Variants in STXBP6 observed in about 807,000 individuals in gnomAD.
STXBP6 encodes syntaxin binding protein 6, also known as syntaxin-binding protein 6.
Under a neutral mutation model 26.9 loss-of-function variants are expected in STXBP6, and 21 were observed. The observed-to-expected ratio is 0.78, with a 90% confidence interval of 0.55 to 1.12. The LOEUF is 1.12. Among genes scored for constraint, STXBP6 ranks in the 50% most tolerant of loss-of-function variants. The pLI, the probability that STXBP6 is intolerant of heterozygous loss-of-function variation, is 0.00. For synonymous variants in STXBP6, 97 were observed against 92.6 expected (o/e 1.05, Z -0.27); for missense variants, 232 against 257.9 (o/e 0.90, Z 0.69).
chr14:25,025,591 T>C (rs1428902802), intron 1 of STXBP6, among the ~76,000 whole-genome samples: 1 of 152,334 alleles, frequency 6.6e-6, no homozygotes, highest in South Asian at 2.1e-4. Context: ...TGTTGCTAGA[T>C]ATGACTTTGG....
chr14:24,848,198 C>A (rs951182486), intron 4 of STXBP6, among the ~76,000 whole-genome samples: 1 of 152,094 alleles, frequency 6.6e-6, no homozygotes, highest in African/African-American at 2.4e-5. Flanking sequence ...TTTCAAAAAT[C>A]CCATTTGATT....
intron 1 of STXBP6, among the ~76,000 whole-genome samples, chr14:25,017,784 G>C (rs2075181653): frequency 6.6e-6 from 1 of 152,186 alleles, no homozygotes; most frequent in Non-Finnish European, 1.5e-5. Context: ...GGACTTACTG[G>C]ACCCTGTGGT....
At chr14:25,009,018 T>C (rs1252968586) in intron 1 of STXBP6, among the ~76,000 whole-genome samples, 1 of 152,034 alleles carries the variant, frequency 6.6e-6, no homozygotes, top group African/African-American at 2.4e-5. Flanking sequence ...CAGAGAGACA[T>C]GGAGAATTCT....
chr14:24,834,715 C>T (rs942383193), intron 4 of STXBP6, among the ~76,000 whole-genome samples: 8 of 152,094 alleles, frequency 5.3e-5, no homozygotes, highest in Admixed American at 2.6e-4. Flanking sequence ...GAGGATGGCC[C>T]GAACTACGAG....
intron 1 of STXBP6, among the ~76,000 whole-genome samples, chr14:25,038,573 G>C (rs991239653): frequency 2.0e-5 from 3 of 152,102 alleles, no homozygotes; most frequent in African/African-American, 7.2e-5. Context: ...ACAAAATCAA[G>C]GGAAAGAAGT....
chr14:24,981,883 C>G (rs1206254845), intron 1 of STXBP6, among the ~76,000 whole-genome samples: 2 of 152,130 alleles, frequency 1.3e-5, no homozygotes, highest in South Asian at 2.1e-4. Flanking sequence ...AATTGTGGCA[C>G]AGACCTACAG....
At chr14:24,870,493 G>A (rs948358511) in intron 2 of STXBP6, among the ~76,000 whole-genome samples, 6 of 152,076 alleles carry the variant, frequency 3.9e-5, no homozygotes, top group Non-Finnish European at 5.9e-5. Flanking sequence ...ATCTCAAGAC[G>A]TTTATTCTCC....
intron 3 of STXBP6, among the ~76,000 whole-genome samples, 173 bp downstream of exon 3, chr14:24,856,854 T>C (rs148986042): frequency 1.3e-5 from 2 of 152,180 alleles, no homozygotes; most frequent in African/African-American, 4.8e-5. Flanking sequence ...GATGAAAAGA[T>C]TTATAATTTC....
chr14:24,890,055 G>C (rs1421397468), intron 2 of STXBP6, among the ~76,000 whole-genome samples: 1 of 152,204 alleles, frequency 6.6e-6, no homozygotes, highest in Non-Finnish European at 1.5e-5. Context: ...GGGAGTCATA[G>C]GTATTGCTAT....
chr14:24,817,879 A>C (rs755705906), intron 5 of STXBP6: 4 of 360,716 alleles, frequency 1.1e-5, no homozygotes, highest in Non-Finnish European at 2.2e-5. Context: ...ACGACAGAGA[A>C]TGAATGAGAT....
At chr14:24,821,739 T>A (rs926518347) in intron 4 of STXBP6, among the ~76,000 whole-genome samples, 6 of 152,174 alleles carry the variant, frequency 3.9e-5, no homozygotes, top group Non-Finnish European at 5.9e-5. Context: ...GGGTACTTAA[T>A]TAAGTACAAT....
chr14:24,952,997 G>A (rs1314966709), intron 2 of STXBP6, among the ~76,000 whole-genome samples: 5 of 152,170 alleles, frequency 3.3e-5, no homozygotes, highest in Non-Finnish European at 5.9e-5. Flanking sequence ...GGGAGCATGA[G>A]GGTGAGAATG....
chr14:25,000,264 C>T (rs947486981), intron 1 of STXBP6, among the ~76,000 whole-genome samples: 2 of 151,992 alleles, frequency 1.3e-5, no homozygotes, highest in South Asian at 2.1e-4. Flanking sequence ...GGGGTTTCAC[C>T]ATGTTAGCCA....
intron 2 of STXBP6, among the ~76,000 whole-genome samples, chr14:24,928,825 A>G (rs1329841449): frequency 6.6e-6 from 1 of 152,186 alleles, no homozygotes; most frequent in African/African-American, 2.4e-5. Flanking sequence ...CTAGAGCATG[A>G]ATATTAAAAA....
intron 2 of STXBP6, among the ~76,000 whole-genome samples, chr14:24,951,222 T>A (rs756981653): frequency 6.6e-6 from 1 of 152,212 alleles, no homozygotes; most frequent in Non-Finnish European, 1.5e-5. Context: ...GTCTTTATAG[T>A]AGAATTATTT....
chr14:24,964,728 G>C (rs920771698), intron 2 of STXBP6, among the ~76,000 whole-genome samples: 1 of 150,908 alleles, frequency 6.6e-6, no homozygotes, highest in African/African-American at 2.4e-5. Context: ...ACAAGAACCT[G>C]ATCTGGGCTG....
intron 1 of STXBP6, among the ~76,000 whole-genome samples, chr14:25,025,103 C>T (rs2075325651): frequency 6.6e-6 from 1 of 151,748 alleles, no homozygotes; most frequent in African/African-American, 2.4e-5. Flanking sequence ...AAATGTGTTA[C>T]AAAAAGCCAA....
intron 3 of STXBP6, among the ~76,000 whole-genome samples, chr14:24,856,714 G>GTTT (rs35192599): frequency 6.8e-6 from 1 of 147,416 alleles, no homozygotes; most frequent in Non-Finnish European, 1.5e-5. Flanking sequence ...TGGTAAACAT[G>GTTT]TTTTTTTTTT....
chr14:24,869,122 T>C (rs912962878), intron 2 of STXBP6, among the ~76,000 whole-genome samples: 7 of 152,220 alleles, frequency 4.6e-5, no homozygotes, highest in African/African-American at 1.7e-4. Context: ...ACATGACATA[T>C]CTCCATTCCG....
Sources: gnomAD v4.1 joint callset for allele counts (sites outside exome capture counted in the v4.1 genomes callset) on GRCh38, gnomAD v4.1.1 for gene constraint, MANE v1.5 for transcripts, NCBI Gene and HGNC (gene_info 2026-07-23, HGNC 2026-07-21) for gene names.